The following SLC38A10 variants were observed in gnomAD, a reference collection of about 807,000 sequenced individuals.
The protein encoded by SLC38A10 is solute carrier family 38 member 10.
Under a neutral mutation model 81.0 loss-of-function variants are expected in SLC38A10, and 53 were observed. The observed-to-expected ratio is 0.65, with a 90% CI of 0.53 to 0.82. The LOEUF is 0.82. SLC38A10 is among the 40% of genes least tolerant of loss of function. The pLI, the probability that SLC38A10 is intolerant of heterozygous loss-of-function variation, is 0.00. For synonymous variants in SLC38A10, 665 were observed against 655.3 expected (o/e 1.01, Z -0.23); for missense variants, 1,471 against 1,545.0 (o/e 0.95, Z 0.80).
chr17:81,252,060 T>A, intron 13 of SLC38A10, 135 bp downstream of exon 13: 1 of 1,297,758 alleles, frequency 7.7e-7, no homozygotes, highest in Non-Finnish European at 1.0e-6. Context: ...CGGGGCCCGC[T>A]CCATTTGCAT....
Position 81,294,985 on chromosome 17 carries a change from G to T in SLC38A10, c.-64C>A. ...GGTCGCCGGGCTGCGGCCGGCTTTG[G>T]AAGCCCAGCCCGAGGCCACGGTCAC... On this transcript the variant is annotated 5_prime_UTR_variant, in exon 1 of 16. Transcript: ENST00000374759. 1 of 1,510,266 alleles carries T rather than the reference G, an allele frequency of 6.6e-7. No individual in the cohort carries two copies. Among genetic ancestry groups the T allele is most frequent in the Admixed American group, 2.2e-5 (1 of 44,660 alleles). 93.6% of individuals were successfully genotyped at this position (1,510,266 alleles called of 1,614,324 possible).
rs1352068048 is a variant in SLC38A10 at position 81,246,232 on chromosome 17, G to T, written c.2684C>A (p.Pro895His). The change falls in exon 16 of 16, where the codon CCT becomes CAT. Residue 895 changes from proline (P) to histidine (H), a missense_variant. Around this residue, in one of 2 missense-constraint regions of SLC38A10, gnomAD observed 751 missense variants for 717.4 expected, o/e 1.05. Coordinates refer to ENST00000374759, the MANE Select transcript of SLC38A10 (RefSeq NM_001037984.3). Reference protein sequence around the residue: ...VTGGSQDRKKPGKEVAATGTS... With the variant: ...VTGGSQDRKKHGKEVAATGTS... ...GCCAGTGGCTGCCACCTCCTTCCCA[G>T]GTTTTTTCCTGTCTTGGGAACCGCC... 6.2e-7 allele frequency: 1 copy of T among 1,612,766 alleles called. No homozygotes were observed.
intron 10 of SLC38A10, chr17:81,263,619 A>G (rs1344739886): frequency 1.3e-5 from 2 of 152,348 alleles, no homozygotes; most frequent in Non-Finnish European, 2.9e-5. Context: ...TGCCTTGAGC[A>G]CAAGCAGCCG....
chr17:81,255,061 G>A (rs1424098358), intron 11 of SLC38A10, among the ~76,000 whole-genome samples: 1 of 152,278 alleles, frequency 6.6e-6, no homozygotes, highest in Non-Finnish European at 1.5e-5. Flanking sequence ...AGCTCTGTGT[G>A]GGTGCAGGAG....
In SLC38A10 at chr17:81,246,935, T is replaced by C; in HGVS notation, c.2192A>G (p.Lys731Arg). 2 of 1,608,114 alleles carry C rather than the reference T, an allele frequency of 1.2e-6. No homozygotes were observed. The highest frequency in any genetic ancestry group is 1.7e-6 in the Non-Finnish European group (2 of 1,179,548). ...CTCCTGCCTCTGCTGGTGGATCTCC[T>C]TGTGCTGCTCCTCGATCACCGCCAG... Reference protein sequence around the residue: ...KLLAVIEEQHKEIHQQRQEDE... With the variant: ...KLLAVIEEQHREIHQQRQEDE... Residue 731 changes from lysine to arginine, a missense_variant, in exon 15 of 16, where the codon AAG (lysine) becomes AGG (arginine). Coordinates refer to ENST00000374759, the MANE Select transcript of SLC38A10 (RefSeq NM_001037984.3).
rs534241494 is a variant in SLC38A10, at chr17:81,253,087, T to C, written c.1442A>G (p.Asp481Gly). The C allele has an allele frequency of 6.2e-7, 1 of 1,613,344 alleles. No homozygotes were observed. The highest frequency in any genetic ancestry group is 1.3e-5 in the African/African-American group (1 of 75,036). Reference protein sequence around the residue: ...GKEAPEEAQLDRPGQGIAVPV... With the variant: ...GKEAPEEAQLGRPGQGIAVPV... ...GTGCCCAGCACCTTGCCCAGGGCGA[T>C]CGAGCTGTGCCTCCTCCGGTGCCTC... Residue 481 changes from aspartate (D) to glycine (G), a missense_variant, in exon 12 of 16, where the codon GAT (aspartate) becomes GGT (glycine). By Grantham distance (94) the Asp-to-Gly change is moderately conservative. Transcript: ENST00000374759. The surrounding 1 kb of genome is among the most constrained non-coding windows in gnomAD (Gnocchi z 4.1).
At chr17:81,294,158 G>A (rs2063330745) in intron 1 of SLC38A10, among the ~76,000 whole-genome samples, 2 of 152,262 alleles carry the variant, frequency 1.3e-5, no homozygotes, top group East Asian at 1.9e-4. Context: ...AGCCTCCCAA[G>A]TATCTGGGAT....
chr17:81,282,274 G>A lies in SLC38A10; in HGVS notation c.416C>T (p.Pro139Leu), dbSNP rs781006854. The change falls in exon 5 of 16, where the codon CCG becomes CTG. Residue 139 changes from proline (P) to leucine (L), a missense_variant. Pro to Leu is a moderately conservative substitution (Grantham distance 98, BLOSUM62 -3). Coordinates refer to ENST00000374759, the MANE Select transcript of SLC38A10 (RefSeq NM_001037984.3). ...CATCATGTTCCGCTGCAGGCTGAGC[G>A]GGAGCACGATGCACAGCGACACGGC... is the stretch of plus-strand genomic sequence containing the variant. ...LFAVSLCIVL[P>L]LSLQRNMMAS... The A allele has an allele frequency of 5.6e-6, 9 of 1,613,522 alleles. No individual in the cohort carries two copies. The highest frequency in any genetic ancestry group is 4.5e-5 in the East Asian group (2 of 44,892).
chr17:81,282,597 C>T (rs563517491), intron 4 of SLC38A10, among the ~76,000 whole-genome samples: 1 of 152,336 alleles, frequency 6.6e-6, no homozygotes, highest in African/African-American at 2.4e-5. Context: ...GACAGCAGCC[C>T]CCCTAACACG....
At chr17:81,257,617 G>T (rs1380675070) in intron 11 of SLC38A10, among the ~76,000 whole-genome samples, 1 of 152,210 alleles carries the variant, frequency 6.6e-6, no homozygotes, top group Non-Finnish European at 1.5e-5. Context: ...ACGCATGGGG[G>T]CTGTGTGTCC....
At chr17:81,280,187 G>A (rs559743645) in intron 6 of SLC38A10, 6 of 450,374 alleles carry the variant, frequency 1.3e-5, no homozygotes, top group African/African-American at 4.0e-5. Flanking sequence ...AAGCAGGCTC[G>A]CGCGCACATG....
chr17:81,247,663 C>CAAAAAAA (rs201041808), intron 14 of SLC38A10: 4 of 130,642 alleles, frequency 3.1e-5, no homozygotes, highest in African/African-American at 9.6e-5. Context: ...CCCATCTCCA[C>CAAAAAAA]AAAAACAAAA....
rs78781717 is a variant in SLC38A10, at chr17:81,281,119, T to C, written c.502-386A>G. ...TCCCCATCTTGTACTGTGTTAGACA[T>C]GGACATTTTCCAAAAGACTGGCCCA... On this transcript the variant is annotated intron_variant, in intron 5 of 15. Transcript: ENST00000374759. This position sits in a 1 kb window ranked among gnomAD's most constrained non-coding sequence, Gnocchi z 5.3. 1.3e-3 allele frequency among the ~76,000 whole-genome samples: 203 copies of C among 152,298 alleles called. No individual in the cohort carries two copies. Among genetic ancestry groups the C allele is most frequent in the African/African-American group, 4.5e-3 (185 of 41,566 alleles).
rs2063066149 is a variant in SLC38A10 at position 81,265,886 on chromosome 17, G to A, written c.1131+5032C>T. 6.6e-6 allele frequency among the ~76,000 whole-genome samples: 1 copy of A among 152,250 alleles called. No homozygotes were observed. The highest frequency in any genetic ancestry group is 2.1e-4 in the South Asian group (1 of 4,838). On this transcript the variant is annotated intron_variant, in intron 10 of 15. Transcript: ENST00000374759. The surrounding 1 kb of genome is among the most constrained non-coding windows in gnomAD (Gnocchi z 4.2). ...GACAGGACGCACCAGACCCAAGTCAGAGGGAAAAAGAAACCTCTCCGTCTC... is the reference window on the plus strand; with the variant it reads ...GACAGGACGCACCAGACCCAAGTCAAAGGGAAAAAGAAACCTCTCCGTCTC...
At chr17:81,254,260 T>C (rs1329552629) in intron 11 of SLC38A10, among the ~76,000 whole-genome samples, 1 of 152,228 alleles carries the variant, frequency 6.6e-6, no homozygotes, top group Non-Finnish European at 1.5e-5. Context: ...ATGGGGACAA[T>C]TAGCTTAGCT....
chr17:81,292,129 T>C (rs150539840), intron 1 of SLC38A10, among the ~76,000 whole-genome samples: 38 of 152,140 alleles, frequency 2.5e-4, no homozygotes, highest in Middle Eastern at 3.4e-3. Context: ...GATATAGATA[T>C]ATATTTTTGT....
intron 14 of SLC38A10, among the ~76,000 whole-genome samples, chr17:81,248,017 G>A (rs2062870200): frequency 1.4e-5 from 2 of 142,366 alleles, no homozygotes; most frequent in Non-Finnish European, 3.0e-5. Flanking sequence ...GAGTGCAGTG[G>A]CGCGATCTCA....
In SLC38A10 at chr17:81,249,772, G is replaced by A. The variant is rs181684027; in HGVS notation, c.2065+1721C>T. Among the ~76,000 whole-genome samples the A allele has an allele frequency of 2.5e-3, 387 of 152,226 alleles. 2 individuals carry two copies. The highest frequency in any genetic ancestry group is 4.6e-3 in the Non-Finnish European group (316 of 67,988). On this transcript the variant is annotated intron_variant, in intron 14 of 15. Coordinates refer to ENST00000374759, the MANE Select transcript of SLC38A10 (RefSeq NM_001037984.3). Reference sequence around the variant, plus strand: ...GTGCAGGCAGCGTCCCCCCTTGGCTGGTGCCCTAAGCAGCCTGCACTCAGA... The same window carrying A: ...GTGCAGGCAGCGTCCCCCCTTGGCTAGTGCCCTAAGCAGCCTGCACTCAGA...
Position 81,283,629 on chromosome 17 carries a change from TTTG to T in SLC38A10, c.264-130_264-128del. The stretch of plus-strand genomic sequence containing the variant: ...TGATTTCTTTTTTCTTTTTTTTTTT[TTTG>T]AAACAGAGTCTCACTCTGTCGCCCA... On this transcript the variant is annotated intron_variant, in intron 3 of 15. Coordinates refer to ENST00000374759, the MANE Select transcript of SLC38A10 (RefSeq NM_001037984.3). This position sits in a 1 kb window ranked among gnomAD's most constrained non-coding sequence, Gnocchi z 4.7. The T allele has an allele frequency of 1.4e-5, 9 of 640,920 alleles. No homozygotes were observed. The highest frequency in any genetic ancestry group is 6.3e-5 in the East Asian group (2 of 31,598). The allele number at this position is 640,920 out of a possible 1,614,324, so 39.7% of individuals were successfully genotyped here.
Sources: allele counts gnomAD v4.1 joint callset (sites outside exome capture counted in the v4.1 genomes callset), GRCh38; gene constraint gnomAD v4.1.1; regional missense constraint gnomAD v4.1.1; non-coding constraint Gnocchi (gnomAD v3.1); transcripts MANE v1.5; gene names NCBI Gene and HGNC (gene_info 2026-07-23, HGNC 2026-07-21).